Variants in KCNV2 observed in about 807,000 individuals in gnomAD.
KCNV2 encodes the protein potassium voltage-gated channel subfamily V member 2.
Under a neutral mutation model 37.0 loss-of-function variants are expected in KCNV2, and 65 were observed. The observed-to-expected ratio is 1.76, with a 90% CI of 1.44 to 2.16. The LOEUF is 2.16. Ranked by LOEUF, KCNV2 falls within the 30% of genes most tolerant of loss-of-function variation. The probability of loss-of-function intolerance (pLI) is 0.00; values close to 1 mark genes in which losing one functional copy is unlikely to be tolerated. For missense variants in KCNV2, 1,232 were observed against 766.7 expected (o/e 1.61, Z -7.17); for synonymous variants, 518 against 328.6 (o/e 1.58, Z -6.23).
chr9:2,718,620 G>A lies in KCNV2; in HGVS notation c.881G>A (p.Gly294Asp), dbSNP rs150947832. The change falls in exon 1 of 2, where the codon GGC becomes GAC. Residue 294 changes from glycine (G) to aspartate (D), a missense_variant. Gly to Asp is a moderately conservative substitution (Grantham distance 94). Coordinates refer to ENST00000382082, the MANE Select transcript of KCNV2 (RefSeq NM_133497.4). ...EMQQHSGQGE[G>D]GPDLRPILEH... is the part of the protein sequence containing the mutation. Reference sequence around the variant, plus strand: ...CAGCAGCACTCGGGGCAGGGCGAGGGCGGCCCAGACCTGCGGCCCATCCTG... The same window carrying A: ...CAGCAGCACTCGGGGCAGGGCGAGGACGGCCCAGACCTGCGGCCCATCCTG... 14 of 1,612,992 alleles carry A rather than the reference G, an allele frequency of 8.7e-6. No individual in the cohort carries two copies. In the African/African-American group the frequency reaches 1.2e-4, roughly 14 times the overall value.
rs1189532709 is a variant in KCNV2, at chr9:2,718,909, G to A, written c.1170G>A (p.Leu390=). The A allele has an allele frequency of 1.2e-6, 2 of 1,609,040 alleles. No individual in the cohort carries two copies. Among genetic ancestry groups the A allele is most frequent in the Admixed American group, 1.7e-5 (1 of 60,024 alleles). Reference sequence around the variant, plus strand: ...TGCGCATCTTCCGCATCCTCAAGCTGGCGCGCCACTCCACCGGACTGCGTG... The same window carrying A: ...TGCGCATCTTCCGCATCCTCAAGCTAGCGCGCCACTCCACCGGACTGCGTG... ...RLMRIFRILK[L]ARHSTGLRAF... is the part of the protein sequence containing the mutation. The change falls in exon 1 of 2, where the codon CTG becomes CTA. Residue 390 remains leucine, a synonymous_variant. Transcript: ENST00000382082.
chr9:2,717,673 C>A lies in KCNV2; in HGVS notation c.-67C>A, dbSNP rs1819754074. ...GCCACGTGATCCATCCTCCTAGAGG[C>A]AGTGAGCAGGTGAGGGACCCCTACC... is the stretch of plus-strand genomic sequence containing the variant. On this transcript the variant is annotated 5_prime_UTR_variant, in exon 1 of 2. Transcript: ENST00000382082. 1.9e-6 allele frequency: 3 copies of A among 1,596,636 alleles called. No homozygotes were observed. Among genetic ancestry groups the A allele is most frequent in the Non-Finnish European group, 1.7e-6 (2 of 1,165,196 alleles).
Position 2,729,669 on chromosome 9 carries a change from A to T in KCNV2, c.1580A>T (p.Lys527Met). ...AACTTCATGCAGAGAGCCAGAAAGA[A>T]GATAGCTGAGTGTTTGCTTGGAAGC... is the stretch of plus-strand genomic sequence containing the variant. ...EVNFMQRARK[K>M]IAECLLGSNP... is the part of the protein sequence containing the mutation. Residue 527 changes from lysine (K) to methionine (M), a missense_variant, in exon 2 of 2, where the codon AAG (lysine) becomes ATG (methionine). By Grantham distance (95) the Lys-to-Met change is moderately conservative (BLOSUM62 -1). Transcript: ENST00000382082. 6.2e-7 allele frequency: 1 copy of T among 1,614,164 alleles called. No homozygotes were observed. Among genetic ancestry groups the T allele is most frequent in the South Asian group, 1.1e-5 (1 of 91,082 alleles).
Position 2,729,810 on chromosome 9 carries a change from A to G in KCNV2, c.*83A>G, listed in dbSNP as rs1820039158. On this transcript the variant is annotated 3_prime_UTR_variant, in exon 2 of 2. Transcript: ENST00000382082. ...TTTTTAATCATTATGATTGGCAGCAAAAGGAAATGTGAAGCAGACATACAC... is the reference window on the plus strand; with the variant it reads ...TTTTTAATCATTATGATTGGCAGCAGAAGGAAATGTGAAGCAGACATACAC... The G allele has an allele frequency of 7.0e-7, 1 of 1,436,306 alleles. No individual in the cohort carries two copies. The highest frequency in any genetic ancestry group is 9.8e-7 in the Non-Finnish European group (1 of 1,021,424). 89.0% of individuals were successfully genotyped at this position (1,436,306 alleles called of 1,614,324 possible).
intron 1 of KCNV2, among the ~76,000 whole-genome samples, chr9:2,719,720 G>A (rs943687125): frequency 6.6e-6 from 1 of 152,344 alleles, no homozygotes; most frequent in Admixed American, 6.5e-5. Flanking sequence ...GAAGTACAGA[G>A]AGTTTGAATG....
chr9:2,720,940 C>G (rs776889032), intron 1 of KCNV2, among the ~76,000 whole-genome samples: 1 of 152,192 alleles, frequency 6.6e-6, no homozygotes, highest in South Asian at 2.1e-4. Context: ...ATTGATCTCA[C>G]TTAAATTTCT....
rs543649807 is a variant in KCNV2 at position 2,718,469 on chromosome 9, C to T, written c.730C>T (p.Arg244Cys). The T allele has an allele frequency of 1.4e-5, 23 of 1,608,670 alleles. No individual in the cohort carries two copies. The East Asian group carries it at 2.5e-4, about 17-fold the overall frequency. ...RDMRFYGPQR[R>C]RLWNLMEKPF... ...CATGCGCTTCTACGGCCCGCAGCGG[C>T]GCCGCCTCTGGAACCTCATGGAGAA... The change falls in exon 1 of 2, where the codon CGC (arginine) becomes TGC (cysteine). Residue 244 changes from arginine to cysteine, a missense_variant. Coordinates refer to ENST00000382082, the MANE Select transcript of KCNV2 (RefSeq NM_133497.4).
At chr9:2,722,036 GTTAT>G (rs1411755630) in intron 1 of KCNV2, among the ~76,000 whole-genome samples, 10 of 146,436 alleles carry the variant, frequency 6.8e-5, no homozygotes, top group South Asian at 2.1e-4. Context: ...TAAATTAGAA[GTTAT>G]TTATTTATAA....
At chr9:2,727,729 A>AT (rs1819991891) in intron 1 of KCNV2, among the ~76,000 whole-genome samples, 1 of 152,132 alleles carries the variant, frequency 6.6e-6, no homozygotes, top group Non-Finnish European at 1.5e-5. Flanking sequence ...TATATATAAT[A>AT]ATATTATTGC....
In KCNV2 at chr9:2,722,298, T is replaced by TTTAC. The variant is rs565058104; in HGVS notation, c.1356+3203_1356+3204insTTAC. ...TTATTTACAAATTAGAAGTTATTTATAAATTAGAAGTTATTTATAAATAAA... is the reference window on the plus strand; with the variant it reads ...TTATTTACAAATTAGAAGTTATTTATTTACAAATTAGAAGTTATTTATAAATAAA... On this transcript the variant is annotated intron_variant, in intron 1 of 1. Transcript: ENST00000382082. Among the ~76,000 whole-genome samples the TTTAC allele has an allele frequency of 7.2e-3, 902 of 125,628 alleles. 91 individuals carry two copies. The highest frequency in any genetic ancestry group is 0.03 in the African/African-American group (844 of 27,766). 82.4% of individuals were successfully genotyped at this position (125,628 alleles called of 152,430 possible). A position where few individuals can be genotyped will look rare whatever the true frequency, so the allele number is the denominator to read the frequency against.
chr9:2,728,828 T>C lies in KCNV2; in HGVS notation c.1357-618T>C, dbSNP rs545805608. Among the ~76,000 whole-genome samples, 301 of 151,938 alleles carry C rather than the reference T, an allele frequency of 2.0e-3. 2 individuals carry two copies. Among genetic ancestry groups the C allele is most frequent in the African/African-American group, 6.9e-3 (286 of 41,424 alleles). ...GTTCAGTGCTTTATATTCATTTTCT[T>C]ATTTAGCCTTCACAAGAATCCTAAG... On this transcript the variant is annotated intron_variant, in intron 1 of 1. Transcript: ENST00000382082.
intron 1 of KCNV2, among the ~76,000 whole-genome samples, chr9:2,722,039 A>ATTTATTTATAAATAAATTAGAAGTTG (rs1819879208): frequency 2.0e-5 from 3 of 147,632 alleles, no homozygotes; most frequent in Non-Finnish European, 3.0e-5. Flanking sequence ...ATTAGAAGTT[A>ATTTATTTATAAATAAATTAGAAGTTG]TTTATTTATA....
In KCNV2 at chr9:2,718,883, A is replaced by G. The variant is rs757516625; in HGVS notation, c.1144A>G (p.Met382Val). The change falls in exon 1 of 2, where the codon ATG (methionine) becomes GTG (valine). Residue 382 changes from methionine (M) to valine (V), a missense_variant. Transcript: ENST00000382082. ...TCAGGTGTTGCGCGTCATGCGCCTC[A>G]TGCGCATCTTCCGCATCCTCAAGCT... ...VGQVLRVMRL[M>V]RIFRILKLAR... is the part of the protein sequence containing the mutation. 6 of 1,608,968 alleles carry G rather than the reference A, an allele frequency of 3.7e-6. No homozygotes were observed. The highest frequency in any genetic ancestry group is 5.1e-6 in the Non-Finnish European group (6 of 1,179,970).
chr9:2,724,880 G>A (rs1819944774), intron 1 of KCNV2, among the ~76,000 whole-genome samples: 1 of 152,218 alleles, frequency 6.6e-6, no homozygotes, highest in South Asian at 2.1e-4. Context: ...TCAGGCTTGG[G>A]ACTAAGAGAC....
chr9:2,720,769 G>C (rs970810277), intron 1 of KCNV2, among the ~76,000 whole-genome samples: 1 of 152,168 alleles, frequency 6.6e-6, no homozygotes, highest in Admixed American at 6.5e-5. Context: ...ACCCACAAAA[G>C]TTTTTTCGAC....
intron 1 of KCNV2, among the ~76,000 whole-genome samples, chr9:2,727,482 A>G (rs918887541): frequency 2.0e-5 from 3 of 152,126 alleles, no homozygotes; most frequent in Non-Finnish European, 4.4e-5. Context: ...TTAACCCACA[A>G]TCTCACTTTA....
intron 1 of KCNV2, among the ~76,000 whole-genome samples, chr9:2,726,667 T>C (rs1345288168): frequency 6.6e-6 from 1 of 152,182 alleles, no homozygotes; most frequent in Non-Finnish European, 1.5e-5. Flanking sequence ...TGCATTGGAC[T>C]TCCGTGGATG....
Position 2,718,175 on chromosome 9 carries a change from A to G in KCNV2, c.436A>G (p.Thr146Ala). ...CCTGTGCGACGACTACGAGGAGCAGACAGACGAATACTTCTTCGACCGCGA... is the reference window on the plus strand; with the variant it reads ...CCTGTGCGACGACTACGAGGAGCAGGCAGACGAATACTTCTTCGACCGCGA... ...LSLCDDYEEQ[T>A]DEYFFDRDPA... Residue 146 changes from threonine (T) to alanine (A), a missense_variant, in exon 1 of 2, where the codon ACA becomes GCA. By Grantham distance (58) the Thr-to-Ala change is moderately conservative. Transcript: ENST00000382082. 6.2e-7 allele frequency: 1 copy of G among 1,613,268 alleles called. No individual in the cohort carries two copies. Among genetic ancestry groups the G allele is most frequent in the South Asian group, 1.1e-5 (1 of 90,934 alleles).
In KCNV2 at chr9:2,718,330, C is replaced by T; in HGVS notation, c.591C>T (p.Arg197=). The change falls in exon 1 of 2, where the codon CGC becomes CGT. Residue 197 remains arginine, a synonymous_variant. Transcript: ENST00000382082. ...GCGTGCGGCTCAAGTACACGCCACGCTGCTGCCGCATCTGCTTCGAGGAGC... is the reference window on the plus strand; with the variant it reads ...GCGTGCGGCTCAAGTACACGCCACGTTGCTGCCGCATCTGCTTCGAGGAGC... The part of the protein sequence containing the change: ...YWGVRLKYTP[R]CCRICFEERR... 1.2e-6 allele frequency: 2 copies of T among 1,603,884 alleles called. No homozygotes were observed. The highest frequency in any genetic ancestry group is 1.1e-5 in the South Asian group (1 of 90,150).
Sources: gnomAD v4.1 joint callset for allele counts (sites outside exome capture counted in the v4.1 genomes callset) on GRCh38, gnomAD v4.1.1 for gene constraint, MANE v1.5 for transcripts, NCBI Gene and HGNC (gene_info 2026-07-23, HGNC 2026-07-21) for gene names.